The following RBM33 variants were observed in gnomAD, a reference collection of about 807,000 sequenced individuals.
RBM33 encodes the protein RNA-binding protein 33.
Under a neutral mutation model 132.6 loss-of-function variants are expected in RBM33, and 28 were observed. The observed-to-expected ratio is 0.21, with a 90% CI of 0.16 to 0.29. The LOEUF is 0.29. Among genes scored for constraint, RBM33 ranks in the 10% least tolerant of loss-of-function variants. The pLI, the probability that RBM33 is intolerant of heterozygous loss-of-function variation, is 1.00. For missense variants in RBM33, 1,291 were observed against 1,518.5 expected (o/e 0.85, Z 2.49); for synonymous variants, 634 against 593.0 (o/e 1.07, Z -1.01).
At chr7:155,747,545 G>T (rs1264113720) in intron 14 of RBM33, among the ~76,000 whole-genome samples, 2 of 152,122 alleles carry the variant, frequency 1.3e-5, no homozygotes, top group Non-Finnish European at 2.9e-5. Flanking sequence ...TCCTTTAAAA[G>T]AATTTTATCT....
In RBM33 at chr7:155,764,237, C is replaced by T. The variant is rs114283418; in HGVS notation, c.3186+219C>T. Among the ~76,000 whole-genome samples, 601 of 152,302 alleles carry T rather than the reference C, an allele frequency of 3.9e-3. 5 individuals carry two copies. Among genetic ancestry groups the T allele is most frequent in the African/African-American group, 0.014 (571 of 41,568 alleles). ...CACAGAGCAAACCCAGAAGAGCACC[C>T]GCAGCCAGCCAGGAGTGCGATTGCT... On this transcript the variant is annotated intron_variant, in intron 15 of 17. Coordinates refer to ENST00000401878, the MANE Select transcript of RBM33 (RefSeq NM_053043.3).
At chr7:155,760,005 A>T (rs1307499011) in intron 14 of RBM33, among the ~76,000 whole-genome samples, 1 of 152,138 alleles carries the variant, frequency 6.6e-6, no homozygotes, top group Non-Finnish European at 1.5e-5. Context: ...TGGTGTAGTA[A>T]ATAGGTGTGT....
chr7:155,738,747 C>T (rs1563168765), intron 11 of RBM33: 1 of 241,732 alleles, frequency 4.1e-6, no homozygotes, highest in Non-Finnish European at 8.0e-6. Context: ...AATACTTTGT[C>T]AAATTATATT....
Position 155,665,608 on chromosome 7 carries a change from T to C in RBM33, c.122+355T>C, listed in dbSNP as rs1027322663. On this transcript the variant is annotated intron_variant, in intron 2 of 17. Transcript: ENST00000401878. Reference sequence around the variant, plus strand: ...TTGTACTGAATATCTGGCTACACTTTAACGTTTTTTCCATTCTAATATGTG... The same window carrying C: ...TTGTACTGAATATCTGGCTACACTTCAACGTTTTTTCCATTCTAATATGTG... Among the ~76,000 whole-genome samples the C allele has an allele frequency of 2.0e-5, 3 of 152,252 alleles. No homozygotes were observed. In the East Asian group the frequency reaches 5.8e-4, roughly 29 times the overall value.
At chr7:155,673,952 T>G (rs113318515) in intron 3 of RBM33, among the ~76,000 whole-genome samples, 2,478 of 116,032 alleles carry the variant, frequency 0.021, 538 homozygotes, top group Non-Finnish European at 0.029. Context: ...TTTTTTTTTT[T>G]TTTTTTTTTT....
intron 9 of RBM33, among the ~76,000 whole-genome samples, chr7:155,723,175 C>A (rs961650944): frequency 3.9e-5 from 6 of 152,194 alleles, no homozygotes; most frequent in Non-Finnish European, 5.9e-5. Flanking sequence ...TCATGCAAAT[C>A]ATGTTTGATG....
chr7:155,704,850 A>G (rs1395065887), intron 6 of RBM33, among the ~76,000 whole-genome samples: 1 of 152,212 alleles, frequency 6.6e-6, no homozygotes, highest in Non-Finnish European at 1.5e-5. Flanking sequence ...TCTCGGTAGT[A>G]ACAAACAATT....
chr7:155,661,405 C>CT (rs1160345362), intron 1 of RBM33, among the ~76,000 whole-genome samples: 17 of 133,714 alleles, frequency 1.3e-4, no homozygotes, highest in South Asian at 2.7e-4. Context: ...TTTTTTCTTT[C>CT]TTTTTTTTTC....
chr7:155,728,766 G>GA, intron 9 of RBM33, among the ~76,000 whole-genome samples: 1 of 152,294 alleles, frequency 6.6e-6, no homozygotes, highest in African/African-American at 2.4e-5. Flanking sequence ...TAGGGAATGT[G>GA]AGAAAAATCC....
At chr7:155,740,525 C>T (rs754981633) in intron 12 of RBM33, among the ~76,000 whole-genome samples, 7 of 152,240 alleles carry the variant, frequency 4.6e-5, no homozygotes, top group Non-Finnish European at 7.3e-5. Flanking sequence ...AAATTCTTTT[C>T]CTTCAAGGAG....
rs76565820 is a variant in RBM33 at position 155,656,657 on chromosome 7, C to T, written c.44-8518C>T. Among the ~76,000 whole-genome samples the T allele has an allele frequency of 4.3e-3, 654 of 152,182 alleles. 6 individuals carry two copies. The highest frequency in any genetic ancestry group is 0.015 in the African/African-American group (621 of 41,536). ...TGCAGAAGCAGATAGAAGAATTCAG[C>T]TGTTTTCTACAAAGTCAGACATTAA... On this transcript the variant is annotated intron_variant, in intron 1 of 17. Coordinates refer to ENST00000401878, the MANE Select transcript of RBM33 (RefSeq NM_053043.3).
intron 6 of RBM33, among the ~76,000 whole-genome samples, chr7:155,706,579 C>G (rs953854702): frequency 3.9e-5 from 6 of 152,140 alleles, no homozygotes; most frequent in Admixed American, 6.5e-5. Context: ...TAGCCTCAGT[C>G]AGCACATATC....
At chr7:155,686,149 A>G (rs529361472) in intron 5 of RBM33, among the ~76,000 whole-genome samples, 7 of 152,360 alleles carry the variant, frequency 4.6e-5, no homozygotes, top group African/African-American at 1.7e-4. Context: ...ACTCTTACCC[A>G]GATTCTCCAG....
intron 9 of RBM33, among the ~76,000 whole-genome samples, chr7:155,730,245 C>T (rs537190182): frequency 1.3e-5 from 2 of 152,152 alleles, no homozygotes; most frequent in African/African-American, 4.8e-5. Context: ...GTTTCTAGGA[C>T]TTGCTGGTAC....
chr7:155,663,657 A>G (rs1563132779), intron 1 of RBM33, among the ~76,000 whole-genome samples: 2 of 152,198 alleles, frequency 1.3e-5, no homozygotes, highest in Non-Finnish European at 2.9e-5. Context: ...AAACTGTATC[A>G]GTAGTGTTTG....
chr7:155,718,187 C>A (rs1800520144), intron 8 of RBM33, among the ~76,000 whole-genome samples, 198 bp from the exon 9 acceptor site: 1 of 152,034 alleles, frequency 6.6e-6, no homozygotes, highest in South Asian at 2.1e-4. Context: ...CTGCTGTGTA[C>A]CGAAAAGGAA....
chr7:155,683,421 T>C (rs1799389909), intron 5 of RBM33, among the ~76,000 whole-genome samples: 1 of 152,226 alleles, frequency 6.6e-6, no homozygotes, highest in African/African-American at 2.4e-5. Flanking sequence ...GTGATTTTTG[T>C]TCTCCCTTGG....
chr7:155,666,635 A>C (rs757409243), intron 2 of RBM33, among the ~76,000 whole-genome samples: 1 of 152,188 alleles, frequency 6.6e-6, no homozygotes. Context: ...GAGCTGAATA[A>C]AATATTAAGT....
intron 3 of RBM33, among the ~76,000 whole-genome samples, chr7:155,673,216 C>G (rs1010697630): frequency 2.6e-5 from 4 of 152,048 alleles, no homozygotes; most frequent in Admixed American, 2.6e-4. Context: ...CAGAAAGTCA[C>G]ATTTGGAGGT....
Sources: allele counts gnomAD v4.1 joint callset (sites outside exome capture counted in the v4.1 genomes callset), GRCh38; gene constraint gnomAD v4.1.1; transcripts MANE v1.5; gene names NCBI Gene and HGNC (gene_info 2026-07-23, HGNC 2026-07-21).